UNC5C: variants seen among roughly 807,000 people sequenced by gnomAD.
UNC5C encodes the protein unc-5 netrin receptor C.
UNC5C carries 47 observed loss-of-function variants against 99.8 expected under a neutral mutation model. The observed-to-expected ratio is 0.47, with a 90% CI of 0.37 to 0.60. The LOEUF (loss-of-function observed/expected upper bound fraction) is 0.60. Among genes scored for constraint, UNC5C ranks in the 20% least tolerant of loss-of-function variants. The pLI is 0.00. For missense variants in UNC5C, 1,062 were observed against 1,165.9 expected, an observed-to-expected ratio of 0.91 and a Z score of 1.30; for synonymous variants, 487 against 452.2, an observed-to-expected ratio of 1.08 and a Z score of -0.98.
chr4:95,459,112 TAA>T (rs1747525373), intron 1 of UNC5C, among the ~76,000 whole-genome samples: 1 of 152,092 alleles, frequency 6.6e-6, no homozygotes, highest in African/African-American at 2.4e-5. Context: ...AGAAAGAACA[TAA>T]AGTTACAAGG....
chr4:95,197,946 C>T (rs1405757612), intron 12 of UNC5C, among the ~76,000 whole-genome samples: 3 of 148,118 alleles, frequency 2.0e-5, no homozygotes, highest in Non-Finnish European at 1.5e-5. Flanking sequence ...GGTTTTTGGA[C>T]TGGGAAACTG....
chr4:95,302,361 C>T (rs1052157430), intron 2 of UNC5C, among the ~76,000 whole-genome samples: 2 of 152,062 alleles, frequency 1.3e-5, no homozygotes, highest in Non-Finnish European at 2.9e-5. Flanking sequence ...ATACTAAAAC[C>T]CTGTTAAAGG....
chr4:95,361,928 G>A (rs1007330432), intron 1 of UNC5C, among the ~76,000 whole-genome samples: 11 of 151,560 alleles, frequency 7.3e-5, no homozygotes, highest in Non-Finnish European at 1.3e-4. Context: ...ACCATGCTAC[G>A]TGACGTATAT....
At chr4:95,458,008 T>C (rs1176793372) in intron 1 of UNC5C, among the ~76,000 whole-genome samples, 3 of 152,120 alleles carry the variant, frequency 2.0e-5, no homozygotes, top group East Asian at 1.9e-4. Context: ...CCTAGGAGAA[T>C]CTATCCTTAG....
chr4:95,211,208 A>G (rs1738064409), intron 10 of UNC5C, among the ~76,000 whole-genome samples: 2 of 152,186 alleles, frequency 1.3e-5, no homozygotes, highest in Non-Finnish European at 2.9e-5. Flanking sequence ...TGATAATCCC[A>G]CCCTAGGCTC....
rs569105051 is a variant in UNC5C at position 95,302,618 on chromosome 4, C to T, written c.347-869G>A. Among the ~76,000 whole-genome samples, 7 of 152,312 alleles carry T rather than the reference C, an allele frequency of 4.6e-5. No homozygotes were observed. The East Asian group carries it at 1.4e-3, about 29-fold the overall frequency. On this transcript the variant is annotated intron_variant, in intron 2 of 15. Transcript: ENST00000453304. ...CCCAGAGCTTGAACTCACACACTTC[C>T]AGCATGGAGTGTCCATTGAGGGAAC...
Position 95,169,231 on chromosome 4 carries a change from T to C in UNC5C, c.*3A>G. 1 of 1,613,418 alleles carries C rather than the reference T, an allele frequency of 6.2e-7. No homozygotes were observed. Among genetic ancestry groups the C allele is most frequent in the Non-Finnish European group, 8.5e-7 (1 of 1,179,550 alleles). ...TCCTTCATTTCCCCTTCCAGCATGG[T>C]GGTTAATACTGCCCTTCTGCTGCTA... On this transcript the variant is annotated 3_prime_UTR_variant, in exon 16 of 16. Transcript: ENST00000453304.
chr4:95,323,021 C>A (rs1431681549), intron 2 of UNC5C, among the ~76,000 whole-genome samples: 1 of 151,292 alleles, frequency 6.6e-6, no homozygotes, highest in Non-Finnish European at 1.5e-5. Context: ...TCCACAATCA[C>A]CATGAATGTA....
chr4:95,326,473 A>G (rs1742887515), intron 2 of UNC5C, among the ~76,000 whole-genome samples: 1 of 152,200 alleles, frequency 6.6e-6, no homozygotes, highest in Admixed American at 6.5e-5. Context: ...GTAACCACAA[A>G]ATATTGAGTA....
intron 5 of UNC5C, among the ~76,000 whole-genome samples, chr4:95,246,294 T>C (rs1043446420): frequency 6.6e-6 from 1 of 152,280 alleles, no homozygotes; most frequent in South Asian, 2.1e-4. Flanking sequence ...CAGTGGCTCA[T>C]GCTTGTAACC....
intron 1 of UNC5C, among the ~76,000 whole-genome samples, chr4:95,362,240 G>C (rs1319100826): frequency 1.3e-5 from 2 of 151,996 alleles, no homozygotes; most frequent in Non-Finnish European, 2.9e-5. Context: ...TTTCCCACTC[G>C]CTTCCCCTCC....
chr4:95,340,687 C>T (rs1283593275), intron 1 of UNC5C, among the ~76,000 whole-genome samples: 1 of 152,030 alleles, frequency 6.6e-6, no homozygotes, highest in African/African-American at 2.4e-5. Context: ...TAAAGAAATA[C>T]TTGCCAAATC....
At chr4:95,422,749 T>C (rs1746357754) in intron 1 of UNC5C, among the ~76,000 whole-genome samples, 1 of 152,266 alleles carries the variant, frequency 6.6e-6, no homozygotes, top group African/African-American at 2.4e-5. Flanking sequence ...TGCATGTTAA[T>C]ACGCTATTCT....
At chr4:95,226,444 T>C (rs1481240117) in intron 7 of UNC5C, among the ~76,000 whole-genome samples, 2 of 152,198 alleles carry the variant, frequency 1.3e-5, no homozygotes, top group Non-Finnish European at 2.9e-5. Context: ...AACAATGACA[T>C]TGATATAATT....
chr4:95,225,648 T>G (rs1184278489), intron 7 of UNC5C, among the ~76,000 whole-genome samples: 1 of 152,072 alleles, frequency 6.6e-6, no homozygotes, highest in Admixed American at 6.6e-5. Flanking sequence ...TTAAAAAATT[T>G]TAAAAATATT....
intron 1 of UNC5C, among the ~76,000 whole-genome samples, chr4:95,391,755 G>T (rs1406896565): frequency 1.8e-5 from 2 of 111,542 alleles, no homozygotes; most frequent in Admixed American, 8.9e-5. Flanking sequence ...GTCCTTTCAT[G>T]GTAAAAAAAA....
At chr4:95,341,078 T>C (rs1393418016) in intron 1 of UNC5C, among the ~76,000 whole-genome samples, 1 of 152,086 alleles carries the variant, frequency 6.6e-6, no homozygotes, top group African/African-American at 2.4e-5. Context: ...GAAGATAGAA[T>C]TTGACAATAT....
chr4:95,342,497 T>A (rs1277537217), intron 1 of UNC5C, among the ~76,000 whole-genome samples: 1 of 152,016 alleles, frequency 6.6e-6, no homozygotes, highest in African/African-American at 2.4e-5. Context: ...AGGCCCTGAA[T>A]AATCAGCAGC....
At chr4:95,508,355 A>T (rs1311383824) in intron 1 of UNC5C, among the ~76,000 whole-genome samples, 5 of 34,924 alleles carry the variant, frequency 1.4e-4, no homozygotes, top group Admixed American at 6.1e-4. Flanking sequence ...GTGCTTAATA[A>T]ATGATGGACA....
Sources: gnomAD v4.1 joint callset for allele counts (sites outside exome capture counted in the v4.1 genomes callset) on GRCh38, gnomAD v4.1.1 for gene constraint, MANE v1.5 for transcripts, NCBI Gene and HGNC (gene_info 2026-07-23, HGNC 2026-07-21) for gene names.